SHQ1: variants seen among roughly 807,000 people sequenced by gnomAD.
The protein encoded by SHQ1 is protein SHQ1 homolog.
In SHQ1, 49 loss-of-function variants were observed where a neutral mutation model predicts 53.8. The ratio of observed to expected loss-of-function variants is 0.91; its 90% CI spans 0.72 to 1.16. SHQ1 has a LOEUF of 1.16. SHQ1 is among the 50% of genes most tolerant of loss of function. The pLI is 0.00. For synonymous variants in SHQ1, 243 were observed against 251.0 expected (o/e 0.97, Z 0.30); for missense variants, 738 against 683.1 (o/e 1.08, Z -0.90).
chr3:72,772,863 G>C (rs1278193034), intron 10 of SHQ1: 8 of 776,930 alleles, frequency 1.0e-5, no homozygotes, highest in Non-Finnish European at 1.7e-5. Flanking sequence ...CATCAAAATG[G>C]GAAGCTGTGG....
At chr3:72,786,754 T>C (rs910401921) in intron 10 of SHQ1, among the ~76,000 whole-genome samples, 8 of 152,188 alleles carry the variant, frequency 5.3e-5, no homozygotes, top group African/African-American at 1.7e-4. Context: ...CACCACAGTA[T>C]TCCCAGCACC....
the SHQ1 span, among the ~76,000 whole-genome samples, chr3:72,741,988 C>T: frequency 1.3e-5 from 2 of 151,994 alleles, no homozygotes; most frequent in South Asian, 2.1e-4. Context: ...ACTTGCACAT[C>T]GCTGGATTTT....
chr3:72,819,769 A>AGT (rs1707421260), intron 6 of SHQ1, among the ~76,000 whole-genome samples: 2 of 152,216 alleles, frequency 1.3e-5, no homozygotes, highest in African/African-American at 4.8e-5. Context: ...TAAGACAGAT[A>AGT]AACTGAGTGT....
At chr3:72,840,031 A>T (rs935145317) in intron 4 of SHQ1, among the ~76,000 whole-genome samples, 12 of 152,064 alleles carry the variant, frequency 7.9e-5, no homozygotes, top group Non-Finnish European at 1.5e-4. Flanking sequence ...AACTGCTGGG[A>T]TTACACGCAC....
Position 72,750,715 on chromosome 3 carries a change from C to A in SHQ1, c.1303G>T (p.Ala435Ser). 1.3e-6 allele frequency: 2 copies of A among 1,570,100 alleles called. No individual in the cohort carries two copies. The highest frequency in any genetic ancestry group is 1.7e-6 in the Non-Finnish European group (2 of 1,156,488). ...AALLVQEEET[A>S]LKAAHSVSGQ... ...GAAACTGAATGGGCTGCTTTTAATG[C>A]AGTTTCTTCCTCCTGGACAAGCAGT... Residue 435 changes from alanine (A) to serine (S), a missense_variant, in exon 11 of 11, where the codon GCA (alanine) becomes TCA (serine). Coordinates refer to ENST00000325599, the MANE Select transcript of SHQ1 (RefSeq NM_018130.3).
intron 10 of SHQ1, among the ~76,000 whole-genome samples, chr3:72,789,882 G>C (rs1706384085): frequency 6.6e-6 from 1 of 152,178 alleles, no homozygotes; most frequent in Non-Finnish European, 1.5e-5. Flanking sequence ...TCTGAAGAAA[G>C]GGCTTTTATC....
chr3:72,838,480 T>C (rs1285810802), intron 4 of SHQ1, among the ~76,000 whole-genome samples: 1 of 152,210 alleles, frequency 6.6e-6, no homozygotes, highest in Admixed American at 6.5e-5. Flanking sequence ...ATAATAAACA[T>C]TAAATTCAGT....
chr3:72,788,559 G>A lies in SHQ1; in HGVS notation c.1181+4357C>T, dbSNP rs1706328227. Among the ~76,000 whole-genome samples, 6 of 152,278 alleles carry A rather than the reference G, an allele frequency of 3.9e-5. 1 individual carries two copies. Among genetic ancestry groups the A allele is most frequent in the African/African-American group, 1.4e-4 (6 of 41,572 alleles). On this transcript the variant is annotated intron_variant, in intron 10 of 10. Coordinates refer to ENST00000325599, the MANE Select transcript of SHQ1 (RefSeq NM_018130.3). The stretch of plus-strand genomic sequence containing the variant: ...AAGTGAGGACCTCCTCTGCCCAGCC[G>A]CCACCCCGTCTGGGAGGTGTACCCA...
At chr3:72,832,535 A>T (rs1707856511) in intron 4 of SHQ1, 54 bp from the exon 5 acceptor site, 1 of 1,303,832 alleles carries the variant, frequency 7.7e-7, no homozygotes, top group Non-Finnish European at 1.1e-6. Context: ...TTTAGCATTT[A>T]AAACTCAAAT....
At chr3:72,811,555 T>G (rs186780216) in intron 9 of SHQ1, among the ~76,000 whole-genome samples, 84 of 152,292 alleles carry the variant, frequency 5.5e-4, no homozygotes, top group Admixed American at 1.2e-3. Flanking sequence ...CAAAATAAAA[T>G]ACAGCTAGTC....
At chr3:72,795,994 T>C (rs961102127) in intron 9 of SHQ1, among the ~76,000 whole-genome samples, 14 of 149,732 alleles carry the variant, frequency 9.4e-5, no homozygotes, top group Middle Eastern at 3.5e-3. Context: ...TCCCAGCTAC[T>C]CGGGAGGCTG....
At chr3:72,790,898 C>G (rs1706411307) in intron 10 of SHQ1, among the ~76,000 whole-genome samples, 1 of 152,074 alleles carries the variant, frequency 6.6e-6, no homozygotes, top group Non-Finnish European at 1.5e-5. Flanking sequence ...CCTCACTCCC[C>G]AATACATTAT....
At chr3:72,842,461 G>C in intron 2 of SHQ1, 59 bp from the exon 3 acceptor site, 1 of 1,494,268 alleles carries the variant, frequency 6.7e-7, no homozygotes, top group African/African-American at 1.4e-5. Context: ...GGGCACAATA[G>C]CTTACACCAG....
intron 1 of SHQ1, among the ~76,000 whole-genome samples, chr3:72,846,859 G>A (rs1480329168): frequency 6.6e-6 from 1 of 152,120 alleles, no homozygotes; most frequent in Non-Finnish European, 1.5e-5. Flanking sequence ...GAGATAATCC[G>A]TATAAAGCAC....
At chr3:72,735,089 C>T in the SHQ1 span, among the ~76,000 whole-genome samples, 1 of 151,716 alleles carries the variant, frequency 6.6e-6, no homozygotes, top group Non-Finnish European at 1.5e-5. Context: ...TATTTCAATA[C>T]TACGGTGCTT....
chr3:72,772,259 G>A lies in SHQ1; in HGVS notation c.1181+20657C>T, dbSNP rs568032658. On this transcript the variant is annotated intron_variant, in intron 10 of 10. Coordinates refer to ENST00000325599, the MANE Select transcript of SHQ1 (RefSeq NM_018130.3). ...AAAGCTCCAGTTTATGGCAAATTTG[G>A]GAAATAGTGAGTTCATCTACTTGGC... Among the ~76,000 whole-genome samples, 8 of 152,240 alleles carry A rather than the reference G, an allele frequency of 5.3e-5. No individual in the cohort carries two copies. The East Asian group carries it at 1.4e-3, about 26-fold the overall frequency.
intron 10 of SHQ1, chr3:72,772,792 G>C: frequency 1.3e-6 from 1 of 763,322 alleles, no homozygotes. Context: ...TGATCTTGAT[G>C]GAGTGCCTTT....
chr3:72,793,865 C>G (rs1706519914), intron 9 of SHQ1: 1 of 152,172 alleles, frequency 6.6e-6, no homozygotes, highest in South Asian at 2.1e-4. Context: ...AATAAGCTGA[C>G]AAAACTCACA....
chr3:72,832,259 T>C (rs1246716736), intron 5 of SHQ1, 110 bp downstream of exon 5: 1 of 743,482 alleles, frequency 1.3e-6, no homozygotes, highest in Admixed American at 2.4e-5. Flanking sequence ...CAGTCATCAA[T>C]AATTTCTGGA....
Sources: allele counts gnomAD v4.1 joint callset (sites outside exome capture counted in the v4.1 genomes callset), GRCh38; gene constraint gnomAD v4.1.1; transcripts MANE v1.5; gene names NCBI Gene and HGNC (gene_info 2026-07-23, HGNC 2026-07-21).